HDX: variants seen among roughly 807,000 people sequenced by gnomAD.
The protein encoded by HDX is chromosome X open reading frame 43.
In HDX, 19 loss-of-function variants were observed where a neutral mutation model predicts 45.2. The ratio of observed to expected loss-of-function variants is 0.42; its 90% CI spans 0.29 to 0.62. The LOEUF (loss-of-function observed/expected upper bound fraction) is 0.62, where lower values mean the gene tolerates loss of function less well. Ranked by LOEUF, HDX falls within the 20% of genes least tolerant of loss-of-function variation. The pLI is 0.20. For missense variants in HDX, 532 were observed against 493.9 expected (o/e 1.08, Z -0.73); for synonymous variants, 188 against 172.8 (o/e 1.09, Z -0.69).
intron 3 of HDX, among the ~76,000 whole-genome samples, chrX:84,470,897 G>A (rs1394381243): frequency 1.8e-5 from 2 of 111,587 alleles, no homozygotes; most frequent in Admixed American, 9.6e-5. Flanking sequence ...GCTCATGCCT[G>A]TAACTCCAGC....
At chrX:84,369,789 G>A (rs189863435) in intron 5 of HDX, among the ~76,000 whole-genome samples, 1 of 111,926 alleles carries the variant, frequency 8.9e-6, no homozygotes, top group Admixed American at 9.5e-5. Context: ...TTGTTTAAAT[G>A]GGTTATTTGT....
intron 1 of HDX, among the ~76,000 whole-genome samples, chrX:84,494,331 T>C (rs1201408832): frequency 8.9e-6 from 1 of 112,501 alleles, no homozygotes; most frequent in Non-Finnish European, 1.9e-5. Flanking sequence ...CACTTCTATG[T>C]TTCACTGGAG....
chrX:84,399,368 A>G (rs765577689), intron 5 of HDX, among the ~76,000 whole-genome samples: 7 of 111,176 alleles, frequency 6.3e-5, no homozygotes, highest in Non-Finnish European at 1.1e-4. Context: ...ACAATAAAAC[A>G]TGATAAAGGG....
intron 5 of HDX, among the ~76,000 whole-genome samples, chrX:84,414,075 A>T (rs2039048586): frequency 8.9e-6 from 1 of 111,934 alleles, no homozygotes; most frequent in Non-Finnish European, 1.9e-5. Context: ...ATCACTTAAA[A>T]AGTTTGGTAA....
At chrX:84,417,250 AAGAG>A (rs1191369632) in intron 5 of HDX, among the ~76,000 whole-genome samples, 1 of 111,499 alleles carries the variant, frequency 9.0e-6, no homozygotes. Flanking sequence ...GAAAGAAAGA[AAGAG>A]AAAGTCCCAG....
rs56249555 is a variant in HDX, at chrX:84,421,635, TAAA to T, written c.1305+18894_1305+18896del. Among the ~76,000 whole-genome samples the T allele has an allele frequency of 6.7e-3, 647 of 96,803 alleles. 5 individuals carry two copies. Among genetic ancestry groups the T allele is most frequent in the African/African-American group, 0.022 (591 of 26,821 alleles). 84.1% of individuals were successfully genotyped at this position (96,803 alleles called of 115,157 possible). On this transcript the variant is annotated intron_variant, in intron 5 of 10. Coordinates refer to ENST00000373177, the MANE Select transcript of HDX (RefSeq NM_001177479.2). The stretch of plus-strand genomic sequence containing the variant: ...AAAGACATAGACTGGCTGAATGCAT[TAAA>T]AAAAAAAAAACCATTGATCTGTTGC...
At chrX:84,490,201 G>T (rs1246611957) in intron 1 of HDX, among the ~76,000 whole-genome samples, 1 of 109,576 alleles carries the variant, frequency 9.1e-6, no homozygotes, top group African/African-American at 3.3e-5. Flanking sequence ...TCTAACATTT[G>T]GTTTCATTGC....
chrX:84,412,847 G>A (rs780710751), intron 5 of HDX, among the ~76,000 whole-genome samples: 2 of 111,880 alleles, frequency 1.8e-5, no homozygotes, highest in East Asian at 5.6e-4. Flanking sequence ...ATATTTCTCA[G>A]AGGTTTTGTA....
At chrX:84,494,542 T>C (rs1226071515) in intron 1 of HDX, among the ~76,000 whole-genome samples, 1 of 112,182 alleles carries the variant, frequency 8.9e-6, no homozygotes, top group Non-Finnish European at 1.9e-5. Context: ...GGGAAAAAGA[T>C]TTAGTCACAC....
At chrX:84,393,931 C>A (rs1409366514) in intron 5 of HDX, among the ~76,000 whole-genome samples, 1 of 52,215 alleles carries the variant, frequency 1.9e-5, no homozygotes, top group Non-Finnish European at 3.8e-5. Flanking sequence ...AATGGTTGAT[C>A]AATTTTGTTC....
chrX:84,490,798 CT>C (rs1056233566), intron 1 of HDX, among the ~76,000 whole-genome samples: 20 of 110,248 alleles, frequency 1.8e-4, no homozygotes, highest in Admixed American at 1.4e-3. Flanking sequence ...TTTTATATTG[CT>C]TTTTTTATAT....
chrX:84,429,707 T>C (rs1023981453), intron 5 of HDX, among the ~76,000 whole-genome samples: 35 of 110,608 alleles, frequency 3.2e-4, no homozygotes, highest in African/African-American at 1.1e-3. Context: ...CAGTAAAATA[T>C]TGAATATAAA....
At chrX:84,416,786 T>A (rs2039112718) in intron 5 of HDX, among the ~76,000 whole-genome samples, 1 of 111,724 alleles carries the variant, frequency 9.0e-6, no homozygotes, top group African/African-American at 3.3e-5. Flanking sequence ...AAATGTCATA[T>A]CATTTCAACA....
chrX:84,336,398 G>A lies in HDX; in HGVS notation c.1740+403C>T, dbSNP rs186698333. Among the ~76,000 whole-genome samples, 294 of 110,925 alleles carry A rather than the reference G, an allele frequency of 2.7e-3. 2 individuals carry two copies. The highest frequency in any genetic ancestry group is 9.3e-3 in the African/African-American group (284 of 30,695). ...TGTTCTGAATAGAGAACTCAGAGTC[G>A]GAAATTCTTGCATACATGTGCCACA... is the stretch of plus-strand genomic sequence containing the variant. On this transcript the variant is annotated intron_variant, in intron 8 of 10. Transcript: ENST00000373177.
chrX:84,370,773 AG>A (rs752889438), intron 5 of HDX, among the ~76,000 whole-genome samples: 1 of 112,481 alleles, frequency 8.9e-6, no homozygotes, highest in Non-Finnish European at 1.9e-5. Context: ...AAGTGGAACA[AG>A]ACCCCCTATT....
chrX:84,420,538 G>C (rs1009248529), intron 5 of HDX, among the ~76,000 whole-genome samples: 1 of 111,997 alleles, frequency 8.9e-6, no homozygotes, highest in Admixed American at 9.4e-5. Context: ...TGGTCTTAAA[G>C]AGAAAGTAGA....
chrX:84,485,742 A>T (rs146277367), intron 2 of HDX, among the ~76,000 whole-genome samples: 1,656 of 111,614 alleles, frequency 0.015, 23 homozygotes, highest in African/African-American at 0.051. Context: ...TTAGGCACAT[A>T]TACATGTAGT....
intron 5 of HDX, among the ~76,000 whole-genome samples, chrX:84,405,660 A>ATGTGTGTGTGTGTGTG: frequency 1.2e-5 from 1 of 84,159 alleles, no homozygotes; most frequent in East Asian, 5.3e-4. Context: ...ATATATATAT[A>ATGTGTGTGTGTGTGTG]TATATGTGTG....
At chrX:84,340,811 T>A (rs760069594) in intron 7 of HDX, among the ~76,000 whole-genome samples, 70 of 111,294 alleles carry the variant, frequency 6.3e-4, no homozygotes, top group Non-Finnish European at 1.1e-3. Flanking sequence ...AAGCCACCGA[T>A]AAAAAATTCT....
Sources: allele counts gnomAD v4.1 joint callset (sites outside exome capture counted in the v4.1 genomes callset), GRCh38; gene constraint gnomAD v4.1.1; transcripts MANE v1.5; gene names NCBI Gene and HGNC (gene_info 2026-07-23, HGNC 2026-07-21).